CFAP52: variants seen among roughly 807,000 people sequenced by gnomAD.
CFAP52 encodes the protein cilia and flagella associated protein 52.
Under a neutral mutation model 70.5 loss-of-function variants are expected in CFAP52, and 57 were observed. That is an observed-to-expected ratio of 0.81 (90% CI 0.65 to 1.01). CFAP52 has a LOEUF of 1.01. Ranked by LOEUF, CFAP52 falls within the 50% of genes least tolerant of loss-of-function variation. The pLI is 0.00. For synonymous variants in CFAP52, 267 were observed against 292.5 expected (o/e 0.91, Z 0.89); for missense variants, 785 against 788.5 (o/e 1.00, Z 0.05).
chr17:9,636,249 A>AAGAAAGAG (rs1567637259), intron 11 of CFAP52, among the ~76,000 whole-genome samples: 7 of 116,296 alleles, frequency 6.0e-5, no homozygotes, highest in Admixed American at 9.0e-5. Context: ...GAAAGAAAGA[A>AAGAAAGAG]AGAGAAAGAA....
intron 13 of CFAP52, 120 bp from the exon 14 acceptor site, chr17:9,642,903 A>G: frequency 1.2e-6 from 1 of 808,094 alleles, no homozygotes. Flanking sequence ...ATCAAGTAAA[A>G]GTGTTATTAT....
rs971580794 is a variant in CFAP52 at position 9,598,386 on chromosome 17, G to C, written c.636+53G>C. The C allele has an allele frequency of 5.4e-6, 8 of 1,473,912 alleles. No individual in the cohort carries two copies. In the African/African-American group the frequency reaches 1.1e-4, roughly 20 times the overall value. 91.3% of individuals were successfully genotyped at this position (1,473,912 alleles called of 1,614,324 possible). ...CAATTAGCACACGTTCCTGTTAGCA[G>C]TGCTGACCAAGGTGTTTGTGTGTGT... On this transcript the variant is annotated intron_variant, in intron 5 of 13. Transcript: ENST00000352665.
chr17:9,597,022 T>G (rs1197466964), intron 4 of CFAP52, among the ~76,000 whole-genome samples: 2 of 152,080 alleles, frequency 1.3e-5, no homozygotes, highest in Non-Finnish European at 2.9e-5. Flanking sequence ...CTGGCCCTCC[T>G]CCTCCTGTTG....
intron 10 of CFAP52, among the ~76,000 whole-genome samples, chr17:9,634,360 A>G (rs924445687): frequency 1.3e-5 from 2 of 152,186 alleles, no homozygotes; most frequent in Non-Finnish European, 2.9e-5. Context: ...TTAAAGGAAT[A>G]CTGGCTGGGC....
chr17:9,630,570 C>T (rs1362904843), intron 9 of CFAP52, among the ~76,000 whole-genome samples: 2 of 149,396 alleles, frequency 1.3e-5, no homozygotes. Flanking sequence ...GCTGGGACTA[C>T]AGGCGCCCGC....
intron 9 of CFAP52, among the ~76,000 whole-genome samples, chr17:9,631,769 G>GT (rs562813196): frequency 0.019 from 2,630 of 141,448 alleles, 31 homozygotes; most frequent in African/African-American, 0.036. Flanking sequence ...GTTTTGGAAA[G>GT]TTTTTTTTTT....
At position 9,586,723 on chromosome 17, in the gene CFAP52, A is replaced by C. The variant is rs1231000089; in HGVS notation, c.296A>C (p.Lys99Thr). 1 of 1,612,362 alleles carries C rather than the reference A, an allele frequency of 6.2e-7. No individual in the cohort carries two copies. Among genetic ancestry groups the C allele is most frequent in the Non-Finnish European group, 8.5e-7 (1 of 1,179,616 alleles). Residue 99 changes from lysine to threonine, a missense_variant, in exon 3 of 14, where the codon AAG becomes ACG. Lys to Thr is a moderately conservative substitution (Grantham distance 78). Transcript: ENST00000352665. ...FKADIILWDY[K>T]NRELLARLSL... ...GCAGACATCATTTTGTGGGATTATA[A>C]GAACAGAGAGCTGCTTGCTCGGCTG...
chr17:9,637,734 C>T (rs1910873943), intron 11 of CFAP52, among the ~76,000 whole-genome samples: 1 of 152,186 alleles, frequency 6.6e-6, no homozygotes, highest in Non-Finnish European at 1.5e-5. Context: ...GCCACCACGC[C>T]TGGCTAATTT....
intron 6 of CFAP52, among the ~76,000 whole-genome samples, chr17:9,604,695 C>T (rs1909408477): frequency 6.6e-6 from 1 of 151,148 alleles, no homozygotes; most frequent in Non-Finnish European, 1.5e-5. Context: ...TTGAACCCGG[C>T]AGTGAGATCA....
chr17:9,594,992 G>A (rs1409085702), intron 4 of CFAP52, among the ~76,000 whole-genome samples: 3 of 147,086 alleles, frequency 2.0e-5, no homozygotes, highest in African/African-American at 7.5e-5. Context: ...CCGGGTTCAA[G>A]CAATTCTCCT....
chr17:9,638,044 G>A (rs945646115), intron 11 of CFAP52, among the ~76,000 whole-genome samples: 3 of 152,196 alleles, frequency 2.0e-5, no homozygotes, highest in African/African-American at 7.2e-5. Context: ...ACATCCCCAC[G>A]TGACAGGCTC....
chr17:9,579,198 A>C (rs996596792), intron 1 of CFAP52, among the ~76,000 whole-genome samples: 1 of 152,190 alleles, frequency 6.6e-6, no homozygotes, highest in Non-Finnish European at 1.5e-5. Context: ...TTAAAAAACT[A>C]TACTAGCTCT....
chr17:9,632,647 G>A (rs1861739562), intron 9 of CFAP52, among the ~76,000 whole-genome samples: 1 of 148,016 alleles, frequency 6.8e-6, no homozygotes, highest in South Asian at 2.1e-4. Flanking sequence ...GGATTGGGTT[G>A]GGTAGATGGA....
chr17:9,631,248 T>A (rs1232400061), intron 9 of CFAP52, among the ~76,000 whole-genome samples: 1 of 151,884 alleles, frequency 6.6e-6, no homozygotes, highest in East Asian at 1.9e-4. Flanking sequence ...CTCTTCCTCT[T>A]ACTACTCACC....
At chr17:9,589,037 GGTTGCAGTGAGCGAA>G (rs1908625463) in intron 3 of CFAP52, among the ~76,000 whole-genome samples, 1 of 152,148 alleles carries the variant, frequency 6.6e-6, no homozygotes, top group African/African-American at 2.4e-5. Flanking sequence ...GGGAGGCAGA[GGTTGCAGTGAGCGAA>G]GATTGCACCA....
chr17:9,590,376 G>A (rs187343718), intron 3 of CFAP52: 4 of 196,604 alleles, frequency 2.0e-5, no homozygotes, highest in Admixed American at 1.9e-4. Flanking sequence ...CTGGTGGGAG[G>A]TGGCCTTGGC....
intron 11 of CFAP52, 23 bp from the exon 12 acceptor site, chr17:9,638,586 C>T (rs1414873192): frequency 1.2e-6 from 2 of 1,606,424 alleles, no homozygotes; most frequent in Non-Finnish European, 1.7e-6. Context: ...TCGACTTTCA[C>T]AGCTTTTGAA....
Position 9,598,221 on chromosome 17 carries a change from T to G in CFAP52, c.537-13T>G. ...CATTTGATTGTGGTTTTTTGTTTTT[T>G]TTTTTTACATAGTGGGACAATTCGA... On this transcript the variant is annotated splice_polypyrimidine_tract_variant and intron_variant, in intron 4 of 13. Transcript: ENST00000352665. 6.3e-7 allele frequency: 1 copy of G among 1,588,310 alleles called. No individual in the cohort carries two copies.
intron 2 of CFAP52, among the ~76,000 whole-genome samples, 157 bp downstream of exon 2, chr17:9,586,129 A>G (rs993898084): frequency 6.6e-6 from 1 of 152,000 alleles, no homozygotes; most frequent in Non-Finnish European, 1.5e-5. Flanking sequence ...ATTCCGTCAG[A>G]CCGGGAGTGA....
Sources: allele counts gnomAD v4.1 joint callset (sites outside exome capture counted in the v4.1 genomes callset), GRCh38; gene constraint gnomAD v4.1.1; transcripts MANE v1.5; gene names NCBI Gene and HGNC (gene_info 2026-07-23, HGNC 2026-07-21).